Variants in ABCD2 observed in about 807,000 individuals in gnomAD.
The protein encoded by ABCD2 is ATP binding cassette subfamily D member 2.
ABCD2 carries 36 observed loss-of-function variants against 70.9 expected under a neutral mutation model. The observed-to-expected ratio is 0.51, with a 90% confidence interval of 0.39 to 0.67. The LOEUF is 0.67. Among genes scored for constraint, ABCD2 ranks in the 30% least tolerant of loss-of-function variants. The pLI is 0.00. For missense variants in ABCD2, 729 were observed against 890.2 expected (o/e 0.82, Z 2.30); for synonymous variants, 304 against 306.9 (o/e 0.99, Z 0.10).
intron 3 of ABCD2, among the ~76,000 whole-genome samples, 176 bp from the exon 4 acceptor site, chr12:39,605,106 A>G (rs1001099756): frequency 2.6e-5 from 4 of 152,124 alleles, no homozygotes; most frequent in Admixed American, 2.0e-4. Flanking sequence ...GAGCACTATA[A>G]CACAATAATA....
chr12:39,542,420 C>T, the ABCD2 span, among the ~76,000 whole-genome samples: 1 of 151,000 alleles, frequency 6.6e-6, no homozygotes, highest in Non-Finnish European at 1.5e-5. Flanking sequence ...CTGAGATACG[C>T]CACTGCACTC....
At chr12:39,614,389 T>G (rs1042961551) in intron 2 of ABCD2, among the ~76,000 whole-genome samples, 3 of 152,210 alleles carry the variant, frequency 2.0e-5, no homozygotes, top group Non-Finnish European at 4.4e-5. Flanking sequence ...GGAAAACTGA[T>G]GTACATAAAG....
At chr12:39,572,788 AAG>A (rs914847169) in intron 9 of ABCD2, among the ~76,000 whole-genome samples, 3 of 152,280 alleles carry the variant, frequency 2.0e-5, no homozygotes, top group East Asian at 3.9e-4. Flanking sequence ...TGCAGCCAGA[AAG>A]AGAGAGAGGA....
At chr12:39,561,070 A>T (rs1183276563) in intron 9 of ABCD2, among the ~76,000 whole-genome samples, 1 of 152,120 alleles carries the variant, frequency 6.6e-6, no homozygotes, top group African/African-American at 2.4e-5. Flanking sequence ...AATTACCTTG[A>T]ATATTAATGG....
intron 6 of ABCD2, among the ~76,000 whole-genome samples, chr12:39,588,933 T>C (rs1941704947): frequency 6.6e-6 from 1 of 152,224 alleles, no homozygotes; most frequent in African/African-American, 2.4e-5. Context: ...TACAGTGTTA[T>C]GACAATTGCT....
rs1380232928 is a variant in ABCD2 at position 39,551,046 on chromosome 12, C to G, written c.*2866G>C. On this transcript the variant is annotated 3_prime_UTR_variant, in exon 10 of 10. Coordinates refer to ENST00000308666, the MANE Select transcript of ABCD2 (RefSeq NM_005164.4). Reference sequence around the variant, plus strand: ...AATTTCTATCAAGAGAAAACCATTCCCACTGTAAACAAATGTAAATTTGAG... The same window carrying G: ...AATTTCTATCAAGAGAAAACCATTCGCACTGTAAACAAATGTAAATTTGAG... 2 of 151,576 alleles carry G rather than the reference C, an allele frequency of 1.3e-5. No individual in the cohort carries two copies. Among genetic ancestry groups the G allele is most frequent in the Non-Finnish European group, 3.0e-5 (2 of 67,620 alleles). The allele number at this position is 151,576 out of a possible 1,614,324, so 9.4% of individuals were successfully genotyped here. A position where few individuals can be genotyped will look rare whatever the true frequency, so the allele number is the denominator to read the frequency against.
chr12:39,616,101 G>T (rs544389767), intron 2 of ABCD2, among the ~76,000 whole-genome samples: 2 of 151,996 alleles, frequency 1.3e-5, no homozygotes, highest in African/African-American at 4.8e-5. Flanking sequence ...AGGAAGAGGG[G>T]GAACCAAAAG....
At chr12:39,561,904 C>T (rs1490169375) in intron 9 of ABCD2, among the ~76,000 whole-genome samples, 1 of 152,146 alleles carries the variant, frequency 6.6e-6, no homozygotes, top group Non-Finnish European at 1.5e-5. Flanking sequence ...CTCAACTACA[C>T]ATGGAACATT....
chr12:39,538,017 G>A, the ABCD2 span, among the ~76,000 whole-genome samples: 2 of 152,066 alleles, frequency 1.3e-5, no homozygotes, highest in African/African-American at 2.4e-5. Flanking sequence ...ACCTATGACA[G>A]GAAATATCCT....
At chr12:39,534,888 GAAAGAAAGAAAGAAA>G in the ABCD2 span, among the ~76,000 whole-genome samples, 22 of 3,456 alleles carry the variant, frequency 6.4e-3, 1 homozygote, top group South Asian at 0.033. Context: ...AGGAAGGAAA[GAAAGAAAGAAAGAAA>G]GAAAGAAAGA....
At chr12:39,618,207 T>C (rs937168580) in intron 1 of ABCD2, among the ~76,000 whole-genome samples, 6 of 152,148 alleles carry the variant, frequency 3.9e-5, no homozygotes, top group African/African-American at 1.4e-4. Flanking sequence ...TAAAAATGTC[T>C]TCTATAAGAA....
At chr12:39,554,787 A>C (rs547205507) in intron 9 of ABCD2, among the ~76,000 whole-genome samples, 7 of 152,268 alleles carry the variant, frequency 4.6e-5, no homozygotes, top group African/African-American at 1.7e-4. Context: ...GTCCTAAAGG[A>C]GGCTGAGGTC....
chr12:39,543,195 A>G, the ABCD2 span, among the ~76,000 whole-genome samples: 1 of 152,174 alleles, frequency 6.6e-6, no homozygotes, highest in African/African-American at 2.4e-5. Flanking sequence ...ATCCCATTAT[A>G]AGGACAGAGA....
In ABCD2 at chr12:39,619,045, G is replaced by T; in HGVS notation, c.571C>A (p.Gln191Lys). ...DHAYETYFTNQTYYKVINMDG... is the reference protein window; with the variant it reads ...DHAYETYFTNKTYYKVINMDG... ...ATATTGATCACTTTATAATAAGTCT[G>T]ATTTGTAAAATAGGTTTCATAGGCG... The change falls in exon 1 of 10, where the codon CAG becomes AAG. Residue 191 changes from glutamine to lysine, a missense_variant. Gln to Lys is a moderately conservative substitution (Grantham distance 53). Coordinates refer to ENST00000308666, the MANE Select transcript of ABCD2 (RefSeq NM_005164.4). The T allele has an allele frequency of 3.1e-6, 5 of 1,614,202 alleles. No homozygotes were observed. The highest frequency in any genetic ancestry group is 4.2e-6 in the Non-Finnish European group (5 of 1,180,030).
At chr12:39,576,152 T>TTTG (rs547321277) in intron 8 of ABCD2, among the ~76,000 whole-genome samples, 189 of 151,990 alleles carry the variant, frequency 1.2e-3, no homozygotes, top group African/African-American at 3.7e-3. Context: ...CTGTAAAGTT[T>TTTG]TTGTTGTTGT....
chr12:39,570,697 C>A (rs75316417), intron 9 of ABCD2, among the ~76,000 whole-genome samples: 11,854 of 151,922 alleles, frequency 0.078, 1,573 homozygotes, highest in African/African-American at 0.27. Flanking sequence ...ATTTGGGCAA[C>A]GAGTTTTGGA....
At chr12:39,605,713 C>G (rs567430036) in intron 3 of ABCD2, among the ~76,000 whole-genome samples, 5 of 152,000 alleles carry the variant, frequency 3.3e-5, no homozygotes, top group Non-Finnish European at 7.4e-5. Context: ...CATTTCCTAT[C>G]AAGAACATGT....
intron 2 of ABCD2, among the ~76,000 whole-genome samples, chr12:39,614,830 C>A (rs1942094285): frequency 6.6e-6 from 1 of 151,900 alleles, no homozygotes; most frequent in Admixed American, 6.6e-5. Context: ...CAGATAGTAA[C>A]CCTTGATATT....
rs768742054 is a variant in ABCD2, at chr12:39,607,721, A to G, written c.1121-7T>C. On this transcript the variant is annotated splice_polypyrimidine_tract_variant and splice_region_variant and intron_variant, in intron 2 of 9. Transcript: ENST00000308666. Reference sequence around the variant, plus strand: ...ACTTGCTTTTGGCCATCCTCTAGATATAAAAACAAATTACAAAACTTGAGT... The same window carrying G: ...ACTTGCTTTTGGCCATCCTCTAGATGTAAAAACAAATTACAAAACTTGAGT... 5 of 1,559,854 alleles carry G rather than the reference A, an allele frequency of 3.2e-6. No homozygotes were observed. The Admixed American group carries it at 8.0e-5, about 25-fold the overall frequency.
Sources: allele counts gnomAD v4.1 joint callset (sites outside exome capture counted in the v4.1 genomes callset), GRCh38; gene constraint gnomAD v4.1.1; transcripts MANE v1.5; gene names NCBI Gene and HGNC (gene_info 2026-07-23, HGNC 2026-07-21).